Variants in RBM47 observed in about 807,000 individuals in gnomAD.
RBM47 encodes RNA binding motif protein 47.
In RBM47, 21 loss-of-function variants were observed where a neutral mutation model predicts 47.1. That is an observed-to-expected ratio of 0.45 (90% CI 0.32 to 0.64). The LOEUF (loss-of-function observed/expected upper bound fraction) is 0.64. Ranked by LOEUF, RBM47 falls within the 30% of genes least tolerant of loss-of-function variation. The pLI is 0.05. For synonymous variants in RBM47, 375 were observed against 361.7 expected (o/e 1.04, Z -0.42); for missense variants, 708 against 870.9 (o/e 0.81, Z 2.35).
chr4:40,466,027 G>A (rs568278940), intron 3 of RBM47, among the ~76,000 whole-genome samples: 33 of 152,244 alleles, frequency 2.2e-4, no homozygotes, highest in Admixed American at 2.2e-3. Context: ...AGGACTTTGG[G>A]AGGCTGAGGT....
chr4:40,495,128 T>A (rs1295968757), intron 2 of RBM47, among the ~76,000 whole-genome samples: 1 of 152,052 alleles, frequency 6.6e-6, no homozygotes, highest in Non-Finnish European at 1.5e-5. Flanking sequence ...TTGGATTAGG[T>A]TTCTATTACT....
chr4:40,508,463 A>G (rs1339381122), intron 2 of RBM47, among the ~76,000 whole-genome samples: 1 of 152,206 alleles, frequency 6.6e-6, no homozygotes, highest in Non-Finnish European at 1.5e-5. Flanking sequence ...CATGTTTTTA[A>G]TTCCTGAAAA....
intron 1 of RBM47, among the ~76,000 whole-genome samples, chr4:40,610,172 TC>T (rs1257346410): frequency 6.6e-6 from 1 of 152,058 alleles, no homozygotes; most frequent in Non-Finnish European, 1.5e-5. Context: ...TCACCTGGGT[TC>T]AACTCCGAGT....
chr4:40,583,748 C>T (rs1560486410), intron 1 of RBM47, among the ~76,000 whole-genome samples: 3 of 151,486 alleles, frequency 2.0e-5, no homozygotes. Flanking sequence ...GTCCCAGCTA[C>T]TCGAGAGGCT....
At chr4:40,497,443 C>A (rs936881857) in intron 2 of RBM47, among the ~76,000 whole-genome samples, 1 of 151,578 alleles carries the variant, frequency 6.6e-6, no homozygotes, top group Non-Finnish European at 1.5e-5. Flanking sequence ...CATAGTGGGA[C>A]CCCCTTCTCT....
chr4:40,518,844 G>C, intron 2 of RBM47, among the ~76,000 whole-genome samples: 1 of 152,000 alleles, frequency 6.6e-6, no homozygotes, highest in East Asian at 1.9e-4. Context: ...ATGAATTTGT[G>C]TTGGGCCACA....
chr4:40,601,482 C>T (rs1307133612), intron 1 of RBM47, among the ~76,000 whole-genome samples: 1 of 152,170 alleles, frequency 6.6e-6, no homozygotes, highest in East Asian at 1.9e-4. Context: ...AGAAAACTAC[C>T]TGAACGCAAC....
At chr4:40,601,247 C>T (rs1735259458) in intron 1 of RBM47, among the ~76,000 whole-genome samples, 2 of 152,276 alleles carry the variant, frequency 1.3e-5, no homozygotes, top group South Asian at 4.1e-4. Context: ...ACTTGCTCAA[C>T]TGTAAAATAG....
chr4:40,492,273 G>A (rs930276420), intron 2 of RBM47, among the ~76,000 whole-genome samples: 1 of 152,116 alleles, frequency 6.6e-6, no homozygotes, highest in Non-Finnish European at 1.5e-5. Flanking sequence ...CGGAGGCTGA[G>A]GTGGGAGAAT....
At chr4:40,509,030 G>A (rs1003709956) in intron 2 of RBM47, among the ~76,000 whole-genome samples, 11 of 151,942 alleles carry the variant, frequency 7.2e-5, no homozygotes, top group African/African-American at 1.9e-4. Context: ...GTGTGGTGGC[G>A]CGTGCCTGTA....
At chr4:40,466,502 A>G (rs1204650088) in intron 3 of RBM47, 75 bp downstream of exon 3, 1 of 152,074 alleles carries the variant, frequency 6.6e-6, no homozygotes, top group Non-Finnish European at 1.5e-5. Context: ...AGTAGCAGGT[A>G]TCTTGGTTGA....
At chr4:40,448,351 C>A (rs986854164) in intron 3 of RBM47, among the ~76,000 whole-genome samples, 26 of 151,962 alleles carry the variant, frequency 1.7e-4, no homozygotes. Context: ...CTTGGGAGAG[C>A]TTTATTTGCT....
chr4:40,580,907 A>C (rs1399659683), intron 1 of RBM47, among the ~76,000 whole-genome samples: 8 of 152,276 alleles, frequency 5.3e-5, no homozygotes, highest in Admixed American at 2.6e-4. Context: ...GGAGCCTAGC[A>C]AGGATCTAGG....
intron 2 of RBM47, among the ~76,000 whole-genome samples, chr4:40,486,713 A>G (rs950606989): frequency 2.0e-5 from 3 of 152,234 alleles, no homozygotes; most frequent in African/African-American, 7.2e-5. Flanking sequence ...TAGAGGGCAC[A>G]TGGATTGAGC....
intron 2 of RBM47, among the ~76,000 whole-genome samples, chr4:40,485,354 A>G (rs889072928): frequency 1.3e-5 from 2 of 152,238 alleles, no homozygotes; most frequent in African/African-American, 4.8e-5. Context: ...GAAAGTCAGG[A>G]TAAAGGAAAG....
At chr4:40,615,547 A>T (rs1348555780) in intron 1 of RBM47, among the ~76,000 whole-genome samples, 2 of 147,616 alleles carry the variant, frequency 1.4e-5, no homozygotes, top group Non-Finnish European at 1.5e-5. Context: ...TTTGGAGGCC[A>T]AAGCAGGTGG....
intron 1 of RBM47, among the ~76,000 whole-genome samples, chr4:40,616,514 G>T (rs150313901): frequency 1.3e-5 from 2 of 152,118 alleles, no homozygotes; most frequent in African/African-American, 2.4e-5. Flanking sequence ...AACGGATAAA[G>T]CTTCCACCGC....
At chr4:40,602,372 G>A (rs144562822) in intron 1 of RBM47, among the ~76,000 whole-genome samples, 59 of 152,108 alleles carry the variant, frequency 3.9e-4, no homozygotes, top group Admixed American at 1.4e-3. Context: ...AATATCGGCC[G>A]GGCGCGGTCG....
chr4:40,492,194 C>A (rs1721976048), intron 2 of RBM47, among the ~76,000 whole-genome samples: 1 of 151,552 alleles, frequency 6.6e-6, no homozygotes, highest in Non-Finnish European at 1.5e-5. Flanking sequence ...CATGGCGAAA[C>A]CTCATCTCTA....
Sources: gnomAD v4.1 joint callset for allele counts (sites outside exome capture counted in the v4.1 genomes callset) on GRCh38, gnomAD v4.1.1 for gene constraint, MANE v1.5 for transcripts, NCBI Gene and HGNC (gene_info 2026-07-23, HGNC 2026-07-21) for gene names.